Variants in RTCA observed in about 807,000 individuals in gnomAD.
RTCA encodes the protein RNA 3'-terminal phosphate cyclase, also known as RNA terminal phosphate cyclase domain 1.
RTCA carries 37 observed loss-of-function variants against 46.1 expected under a neutral mutation model. The observed-to-expected ratio is 0.80, with a 90% CI of 0.62 to 1.06. The LOEUF (loss-of-function observed/expected upper bound fraction) is 1.06, where lower values mean the gene tolerates loss of function less well. Among genes scored for constraint, RTCA ranks in the 50% least tolerant of loss-of-function variants. The probability of loss-of-function intolerance (pLI) is 0.00; values close to 1 mark genes in which losing one functional copy is unlikely to be tolerated. For missense variants in RTCA, 435 were observed against 455.5 expected, an observed-to-expected ratio of 0.95 and a Z score of 0.41; for synonymous variants, 164 against 158.3, an observed-to-expected ratio of 1.04 and a Z score of -0.27.
At chr1:100,286,107 A>G (rs561980381) in intron 9 of RTCA, among the ~76,000 whole-genome samples, 1 of 152,152 alleles carries the variant, frequency 6.6e-6, no homozygotes, top group Non-Finnish European at 1.5e-5. Flanking sequence ...CTTGCTCATA[A>G]TATCCCCTAT....
At chr1:100,275,016 A>C (rs1229735371) in intron 6 of RTCA, 51 bp downstream of exon 6, 1 of 1,473,484 alleles carries the variant, frequency 6.8e-7, no homozygotes, top group Non-Finnish European at 9.2e-7. Context: ...GTCTTGATAA[A>C]TATTATGTCA....
At chr1:100,272,125 TA>T (rs1332804200) in intron 4 of RTCA, among the ~76,000 whole-genome samples, 1 of 152,252 alleles carries the variant, frequency 6.6e-6, no homozygotes, top group South Asian at 2.1e-4. Flanking sequence ...AAGTTACTGT[TA>T]ACATTCATAT....
chr1:100,291,545 C>A lies in RTCA; in HGVS notation c.*41C>A. On this transcript the variant is annotated 3_prime_UTR_variant, in exon 11 of 11. Coordinates refer to ENST00000370128, the MANE Select transcript of RTCA (RefSeq NM_003729.4). The stretch of plus-strand genomic sequence containing the variant: ...AATGATACCTCATTGATATATTGCA[C>A]TATTTCATAAATACTATAAAATAAT... 2 of 1,160,618 alleles carry A rather than the reference C, an allele frequency of 1.7e-6. No individual in the cohort carries two copies. Among genetic ancestry groups the A allele is most frequent in the Non-Finnish European group, 2.5e-6 (2 of 790,750 alleles). 71.9% of individuals were successfully genotyped at this position (1,160,618 alleles called of 1,614,324 possible). A position where few individuals can be genotyped will look rare whatever the true frequency, so the allele number is the denominator to read the frequency against.
chr1:100,287,215 A>C lies in RTCA; in HGVS notation c.999+12A>C. The C allele has an allele frequency of 6.6e-7, 1 of 1,518,786 alleles. No individual in the cohort carries two copies. Among genetic ancestry groups the C allele is most frequent in the Middle Eastern group, 1.7e-4 (1 of 5,736 alleles). 94.1% of individuals were successfully genotyped at this position (1,518,786 alleles called of 1,614,324 possible). ...AACAAATAGCAAAGGTGAGTATTCT[A>C]TCAGAAAGGGAAATTGATATTTTGA... On this transcript the variant is annotated intron_variant, in intron 10 of 10. Transcript: ENST00000370128.
At chr1:100,269,363 CTT>C (rs61660356) in intron 3 of RTCA, among the ~76,000 whole-genome samples, 1,489 of 123,236 alleles carry the variant, frequency 0.012, 18 homozygotes, top group African/African-American at 0.031. Context: ...AGCTATCAGT[CTT>C]TTTTTTTTTT....
At chr1:100,276,604 G>A (rs1666397924) in intron 7 of RTCA, among the ~76,000 whole-genome samples, 1 of 152,160 alleles carries the variant, frequency 6.6e-6, no homozygotes, top group African/African-American at 2.4e-5. Flanking sequence ...TTGAACCTGG[G>A]AGGCGGATGT....
chr1:100,266,990 T>C lies in RTCA; in HGVS notation c.146+366T>C. ...TGTGACGCCAGAGGAAACCCTGTTT[T>C]ATAACCAGTGCATTCTGGTTCTGCT... On this transcript the variant is annotated intron_variant, in intron 2 of 10. Transcript: ENST00000370128. The C allele has an allele frequency of 1.7e-5, 5 of 287,356 alleles. No homozygotes were observed. In the South Asian group the frequency reaches 3.5e-4, roughly 20 times the overall value. The allele number at this position is 287,356 out of a possible 1,614,324, so 17.8% of individuals were successfully genotyped here.
chr1:100,285,470 C>T, intron 9 of RTCA, 148 bp downstream of exon 9: 1 of 598,348 alleles, frequency 1.7e-6, no homozygotes, highest in African/African-American at 1.9e-5. Context: ...ATTTGCATTC[C>T]TCAAATTTCA....
intron 8 of RTCA, among the ~76,000 whole-genome samples, chr1:100,279,028 T>C (rs746556373): frequency 1.3e-5 from 2 of 152,216 alleles, no homozygotes; most frequent in African/African-American, 4.8e-5. Flanking sequence ...ACTAATTACA[T>C]ATTAGGTGCA....
At chr1:100,285,955 C>T (rs779044693) in intron 9 of RTCA, among the ~76,000 whole-genome samples, 26 of 152,208 alleles carry the variant, frequency 1.7e-4, no homozygotes, top group Admixed American at 2.0e-4. Context: ...TTTTGATGAG[C>T]CCCTGGACTT....
chr1:100,273,518 C>T (rs970221885), intron 5 of RTCA, 66 bp downstream of exon 5: 2 of 987,096 alleles, frequency 2.0e-6, no homozygotes, highest in Non-Finnish European at 3.0e-6. Flanking sequence ...AAAAGTTAGA[C>T]CCTTAGAGAA....
rs1382008950 is a variant in RTCA at position 100,291,540 on chromosome 1, T to C, written c.*36T>C. On this transcript the variant is annotated 3_prime_UTR_variant, in exon 11 of 11. Coordinates refer to ENST00000370128, the MANE Select transcript of RTCA (RefSeq NM_003729.4). ...TCTTAAATGATACCTCATTGATATA[T>C]TGCACTATTTCATAAATACTATAAA... 1.7e-6 allele frequency: 2 copies of C among 1,192,426 alleles called. No individual in the cohort carries two copies. Among genetic ancestry groups the C allele is most frequent in the Non-Finnish European group, 2.4e-6 (2 of 817,324 alleles). 73.9% of individuals were successfully genotyped at this position (1,192,426 alleles called of 1,614,324 possible).
At chr1:100,291,081 A>G (rs916324809) in intron 10 of RTCA, among the ~76,000 whole-genome samples, 3 of 152,216 alleles carry the variant, frequency 2.0e-5, no homozygotes, top group Non-Finnish European at 4.4e-5. Flanking sequence ...TAAAATTACC[A>G]TTTGAGGTTT....
chr1:100,266,644 G>A lies in RTCA; in HGVS notation c.146+20G>A. 6.3e-7 allele frequency: 1 copy of A among 1,587,762 alleles called. No individual in the cohort carries two copies. The highest frequency in any genetic ancestry group is 1.7e-4 in the Middle Eastern group (1 of 5,958). ...CCTGAGGTAAATCTGGCTGGAGGGGGAGTTGGGCCGTGAAGCTGGGGGATC... is the reference window on the plus strand; with the variant it reads ...CCTGAGGTAAATCTGGCTGGAGGGGAAGTTGGGCCGTGAAGCTGGGGGATC... On this transcript the variant is annotated intron_variant, in intron 2 of 10. Transcript: ENST00000370128.
At chr1:100,286,249 G>A (rs112547274) in intron 9 of RTCA, among the ~76,000 whole-genome samples, 4,983 of 151,872 alleles carry the variant, frequency 0.033, 296 homozygotes, top group African/African-American at 0.12. Flanking sequence ...TCAAGAGATC[G>A]AGACCATCCT....
chr1:100,292,685 C>G lies in RTCA; in HGVS notation c.*1181C>G, dbSNP rs1446781629. 1.3e-5 allele frequency: 2 copies of G among 151,832 alleles called. No individual in the cohort carries two copies. The highest frequency in any genetic ancestry group is 4.9e-5 in the African/African-American group (2 of 41,146). The allele number at this position is 151,832 out of a possible 1,614,324, so 9.4% of individuals were successfully genotyped here. A position where few individuals can be genotyped will look rare whatever the true frequency, so the allele number is the denominator to read the frequency against. On this transcript the variant is annotated 3_prime_UTR_variant, in exon 11 of 11. Coordinates refer to ENST00000370128, the MANE Select transcript of RTCA (RefSeq NM_003729.4). ...AATTAAGAGAAGTAAAATTTTAACC[C>G]TAGTAGGTTTCGCAGATTCATCCCC...
At chr1:100,284,345 A>G (rs999540359) in intron 8 of RTCA, among the ~76,000 whole-genome samples, 1 of 151,844 alleles carries the variant, frequency 6.6e-6, no homozygotes, top group Non-Finnish European at 1.5e-5. Context: ...ATAATGTTAT[A>G]TGCTCTTTTT....
At chr1:100,287,050 C>A (rs764137390) in intron 9 of RTCA, 49 bp from the exon 10 acceptor site, 1 of 1,303,624 alleles carries the variant, frequency 7.7e-7, no homozygotes, top group South Asian at 1.5e-5. Flanking sequence ...AATTATAATG[C>A]CAAATATTAA....
chr1:100,290,356 C>T (rs1667278492), intron 10 of RTCA, among the ~76,000 whole-genome samples: 1 of 152,134 alleles, frequency 6.6e-6, no homozygotes. Flanking sequence ...AATGATCCTT[C>T]CACCTCAGAA....
Sources: allele counts gnomAD v4.1 joint callset (sites outside exome capture counted in the v4.1 genomes callset), GRCh38; gene constraint gnomAD v4.1.1; transcripts MANE v1.5; gene names NCBI Gene and HGNC (gene_info 2026-07-23, HGNC 2026-07-21).